PIEZO2: variants seen among roughly 807,000 people sequenced by gnomAD.
PIEZO2 encodes piezo type mechanosensitive ion channel component 2.
PIEZO2 carries 172 observed loss-of-function variants against 337.3 expected under a neutral mutation model. The observed-to-expected ratio is 0.51, with a 90% CI of 0.45 to 0.58. The LOEUF (loss-of-function observed/expected upper bound fraction) is 0.58. Among genes scored for constraint, PIEZO2 ranks in the 20% least tolerant of loss-of-function variants. The probability of loss-of-function intolerance (pLI) is 0.00; values close to 1 mark genes in which losing one functional copy is unlikely to be tolerated. For missense variants in PIEZO2, 3,028 were observed against 3,391.3 expected, an observed-to-expected ratio of 0.89 and a Z score of 2.66; for synonymous variants, 1,251 against 1,228.5, an observed-to-expected ratio of 1.02 and a Z score of -0.38.
chr18:10,976,261 C>G (rs2034437417), intron 3 of PIEZO2, among the ~76,000 whole-genome samples: 1 of 152,056 alleles, frequency 6.6e-6, no homozygotes, highest in Non-Finnish European at 1.5e-5. Flanking sequence ...TATCCTTTTT[C>G]AAGAATGTAT....
chr18:10,935,019 C>T (rs1443137029), intron 3 of PIEZO2, among the ~76,000 whole-genome samples: 1 of 152,168 alleles, frequency 6.6e-6, no homozygotes, highest in Non-Finnish European at 1.5e-5. Flanking sequence ...CACAGGCCAC[C>T]TGGCTGTGAT....
chr18:10,709,758 G>A (rs746277182), intron 39 of PIEZO2, among the ~76,000 whole-genome samples: 5 of 152,270 alleles, frequency 3.3e-5, no homozygotes, highest in Non-Finnish European at 4.4e-5. Context: ...CAGTGGGGCC[G>A]GCCATGCTGC....
chr18:10,726,895 A>G lies in PIEZO2; in HGVS notation c.5029+4512T>C. ...GCAGCTGAAGCACATCATGGCCACC[A>G]ACCGGCTGGATGTGGCGGAGCTGGG... On this transcript the variant is annotated intron_variant, in intron 36 of 55. Coordinates refer to ENST00000674853, the MANE Select transcript of PIEZO2 (RefSeq NM_001378183.1). The surrounding 1 kb of genome is among the most constrained non-coding windows in gnomAD (Gnocchi z 5.9). 1 of 1,592,354 alleles carries G rather than the reference A, an allele frequency of 6.3e-7. No individual in the cohort carries two copies. The highest frequency in any genetic ancestry group is 8.6e-7 in the Non-Finnish European group (1 of 1,165,634).
chr18:11,086,746 A>G (rs1170014697), intron 1 of PIEZO2, among the ~76,000 whole-genome samples: 1 of 120,576 alleles, frequency 8.3e-6, no homozygotes. Flanking sequence ...AGAGACACAT[A>G]AATAATTTCG....
In PIEZO2 at chr18:10,741,244, T is replaced by G. The variant is rs8096960; in HGVS notation, c.4637-142A>C. Reference sequence around the variant, plus strand: ...TCAGGTAAAGGAACTATACTGAATCTGAAAAATATACATGTATTAACAGTC... The same window carrying G: ...TCAGGTAAAGGAACTATACTGAATCGGAAAAATATACATGTATTAACAGTC... On this transcript the variant is annotated intron_variant, in intron 32 of 55. Coordinates refer to ENST00000674853, the MANE Select transcript of PIEZO2 (RefSeq NM_001378183.1). 0.29 allele frequency: 190,619 copies of G among 653,118 alleles called. 30,268 individuals are homozygous for G. The highest frequency in any genetic ancestry group is 0.49 in the East Asian group (17,908 of 36,388). 40.5% of individuals were successfully genotyped at this position (653,118 alleles called of 1,614,324 possible).
At chr18:11,118,531 A>T (rs1335094407) in intron 1 of PIEZO2, among the ~76,000 whole-genome samples, 2 of 152,250 alleles carry the variant, frequency 1.3e-5, no homozygotes, top group African/African-American at 2.4e-5. Flanking sequence ...TCAAATGCCA[A>T]CCAATGCTGG....
At chr18:10,896,177 TA>T (rs1203570431) in intron 4 of PIEZO2, among the ~76,000 whole-genome samples, 1 of 151,970 alleles carries the variant, frequency 6.6e-6, no homozygotes, top group Admixed American at 6.6e-5. Flanking sequence ...GAGCAAACAC[TA>T]ACCCTTCAGA....
chr18:11,017,228 A>G (rs960880917), intron 2 of PIEZO2, among the ~76,000 whole-genome samples: 3 of 152,218 alleles, frequency 2.0e-5, no homozygotes, highest in African/African-American at 7.2e-5. Context: ...TGGAAGTCCA[A>G]CTGCTTCTTA....
At chr18:11,074,632 T>C (rs548195554) in intron 1 of PIEZO2, among the ~76,000 whole-genome samples, 3 of 152,214 alleles carry the variant, frequency 2.0e-5, no homozygotes, top group Non-Finnish European at 4.4e-5. Context: ...AGATGAAAGA[T>C]GGTGTGCAAT....
intron 1 of PIEZO2, among the ~76,000 whole-genome samples, chr18:11,089,435 A>G (rs1179171123): frequency 6.6e-6 from 1 of 152,204 alleles, no homozygotes; most frequent in East Asian, 1.9e-4. Context: ...CTAAAAGATA[A>G]GCAACCAAGC....
chr18:10,683,603 C>A (rs944260389), intron 49 of PIEZO2, among the ~76,000 whole-genome samples: 1 of 152,132 alleles, frequency 6.6e-6, no homozygotes, highest in Non-Finnish European at 1.5e-5. Flanking sequence ...AGACTAGGGT[C>A]CCATATTTTA....
At position 10,713,392 on chromosome 18, in the gene PIEZO2, T is replaced by G. The variant is rs893860523; in HGVS notation, c.5423+1372A>C. 7.9e-5 allele frequency among the ~76,000 whole-genome samples: 12 copies of G among 152,158 alleles called. No homozygotes were observed. Among genetic ancestry groups the G allele is most frequent in the Admixed American group, 2.0e-4 (3 of 15,282 alleles). On this transcript the variant is annotated intron_variant, in intron 39 of 55. Transcript: ENST00000674853. The surrounding 1 kb of genome is among the most constrained non-coding windows in gnomAD (Gnocchi z 4.5). ...CCACATTCCTCACTCAGTTTGTAATTCCAACATCCAGTTGTCTATTTTGGG... is the reference window on the plus strand; with the variant it reads ...CCACATTCCTCACTCAGTTTGTAATGCCAACATCCAGTTGTCTATTTTGGG...
In PIEZO2 at chr18:10,979,721, C is replaced by T; in HGVS notation, c.161-61G>A. 1 of 1,420,912 alleles carries T rather than the reference C, an allele frequency of 7.0e-7. No homozygotes were observed. The highest frequency in any genetic ancestry group is 1.4e-5 in the African/African-American group (1 of 70,890). The allele number at this position is 1,420,912 out of a possible 1,614,324, so 88.0% of individuals were successfully genotyped here. On this transcript the variant is annotated intron_variant, in intron 2 of 55. Transcript: ENST00000674853. This position sits in a 1 kb window ranked among gnomAD's most constrained non-coding sequence, Gnocchi z 4.0. ...TTAAGATGAAACACACTGGTGCTGT[C>T]TCTTGTACATATTTCTGTATAACCT... is the stretch of plus-strand genomic sequence containing the variant.
chr18:10,920,709 T>G (rs1195490363), intron 3 of PIEZO2, among the ~76,000 whole-genome samples: 6 of 152,030 alleles, frequency 3.9e-5, no homozygotes, highest in African/African-American at 7.2e-5. Flanking sequence ...TTAAGAATAT[T>G]TAAAAAGCAG....
rs1477199708 is a variant in PIEZO2 at position 11,102,668 on chromosome 18, G to A, written c.65-36446C>T. Among the ~76,000 whole-genome samples, 2 of 152,172 alleles carry A rather than the reference G, an allele frequency of 1.3e-5. No homozygotes were observed. Among genetic ancestry groups the A allele is most frequent in the Non-Finnish European group, 2.9e-5 (2 of 68,032 alleles). Reference sequence around the variant, plus strand: ...CTTCCCATTGGGCCCCCAGTGATCTGTCTCCAGAGGGAAAGGCACTGCCCC... The same window carrying A: ...CTTCCCATTGGGCCCCCAGTGATCTATCTCCAGAGGGAAAGGCACTGCCCC... On this transcript the variant is annotated intron_variant, in intron 1 of 55. Coordinates refer to ENST00000674853, the MANE Select transcript of PIEZO2 (RefSeq NM_001378183.1). This position sits in a 1 kb window ranked among gnomAD's most constrained non-coding sequence, Gnocchi z 5.7.
In PIEZO2 at chr18:11,039,748, GCACA is replaced by G. The variant is rs72175382; in HGVS notation, c.160+26375_160+26378del. 1.4e-3 allele frequency among the ~76,000 whole-genome samples: 196 copies of G among 140,546 alleles called. 1 individual carries two copies. The highest frequency in any genetic ancestry group is 5.2e-3 in the East Asian group (26 of 4,960). The allele number at this position is 140,546 out of a possible 152,430, so 92.2% of individuals were successfully genotyped here. A position where few individuals can be genotyped will look rare whatever the true frequency, so the allele number is the denominator to read the frequency against. On this transcript the variant is annotated intron_variant, in intron 2 of 55. Transcript: ENST00000674853. Reference sequence around the variant, plus strand: ...CTTAAGTTGAATCTATTTTAAATAGGCACACACACACACACACACACACACACAA... The same window carrying G: ...CTTAAGTTGAATCTATTTTAAATAGGCACACACACACACACACACACACAA...
intron 4 of PIEZO2, among the ~76,000 whole-genome samples, chr18:10,907,088 C>T (rs921326915): frequency 6.6e-6 from 1 of 152,086 alleles, no homozygotes; most frequent in Non-Finnish European, 1.5e-5. Context: ...TCTGAAAGAA[C>T]TGAAGAATTT....
At chr18:11,051,912 G>T (rs2037550067) in intron 2 of PIEZO2, among the ~76,000 whole-genome samples, 1 of 152,198 alleles carries the variant, frequency 6.6e-6, no homozygotes, top group South Asian at 2.1e-4. Context: ...CAACTGGAAA[G>T]GCTTGGTGAA....
rs142220488 is a variant in PIEZO2, at chr18:11,145,904, C to T, written c.64+2621G>A. Among the ~76,000 whole-genome samples, 1,455 of 152,288 alleles carry T rather than the reference C, an allele frequency of 9.6e-3. 11 individuals carry two copies. The highest frequency in any genetic ancestry group is 0.015 in the Non-Finnish European group (1,038 of 68,018). On this transcript the variant is annotated intron_variant, in intron 1 of 55. Transcript: ENST00000674853. Reference sequence around the variant, plus strand: ...CTTCCAGCCAGGGGCCAGTCCACCTCCTCTGCTTTCTCCTGGATGAGGCTT... The same window carrying T: ...CTTCCAGCCAGGGGCCAGTCCACCTTCTCTGCTTTCTCCTGGATGAGGCTT...
Sources: gnomAD v4.1 joint callset for allele counts (sites outside exome capture counted in the v4.1 genomes callset) on GRCh38, gnomAD v4.1.1 for gene constraint, Gnocchi (gnomAD v3.1) non-coding constraint, MANE v1.5 for transcripts, NCBI Gene and HGNC (gene_info 2026-07-23, HGNC 2026-07-21) for gene names.